The following PDE1C variants were observed in gnomAD, a reference collection of about 807,000 sequenced individuals.
PDE1C encodes dual specificity calcium/calmodulin-dependent 3',5'-cyclic nucleotide phosphodiesterase 1C.
A neutral mutation model predicts 93.1 loss-of-function variants in PDE1C; 62 were observed. The observed-to-expected ratio is 0.67, with a 90% CI of 0.54 to 0.82. The LOEUF is 0.82. PDE1C is among the 40% of genes least tolerant of loss of function. PDE1C has a pLI of 0.00. For missense variants in PDE1C, 742 were observed against 884.6 expected (o/e 0.84, Z 2.04); for synonymous variants, 325 against 310.1 (o/e 1.05, Z -0.50).
intron 2 of PDE1C, among the ~76,000 whole-genome samples, chr7:31,990,256 T>C (rs1783993994): frequency 6.6e-6 from 1 of 152,196 alleles, no homozygotes; most frequent in Non-Finnish European, 1.5e-5. Context: ...GTCTTTCCCA[T>C]GCTGTTCTTG....
At chr7:32,194,302 A>G (rs908165454) in intron 2 of PDE1C, among the ~76,000 whole-genome samples, 1 of 152,104 alleles carries the variant, frequency 6.6e-6, no homozygotes, top group Non-Finnish European at 1.5e-5. Context: ...TATCCTTTTG[A>G]TATCTGCATG....
intron 1 of PDE1C, among the ~76,000 whole-genome samples, chr7:32,285,651 A>G (rs934243502): frequency 6.6e-6 from 1 of 151,662 alleles, no homozygotes; most frequent in African/African-American, 2.4e-5. Context: ...AAGAAAGGGA[A>G]AAGAAAGGGA....
At chr7:32,339,485 T>C (rs1167419931) in intron 1 of PDE1C, among the ~76,000 whole-genome samples, 2 of 152,150 alleles carry the variant, frequency 1.3e-5, no homozygotes, top group Non-Finnish European at 2.9e-5. Context: ...TTTAAAAAGG[T>C]TAGATGATAC....
chr7:32,135,933 G>A (rs1341031420), intron 3 of PDE1C, among the ~76,000 whole-genome samples: 1 of 152,154 alleles, frequency 6.6e-6, no homozygotes, highest in African/African-American at 2.4e-5. Flanking sequence ...CAATTAAGAA[G>A]AAAATTCTGC....
the PDE1C span, chr7:31,651,072 C>A: frequency 6.6e-7 from 1 of 1,526,118 alleles, no homozygotes; most frequent in South Asian, 1.3e-5. Flanking sequence ...GGAAGACAGG[C>A]TCCACCATGG....
chr7:32,424,666 G>T (rs1383859915), intron 1 of PDE1C, among the ~76,000 whole-genome samples: 1 of 152,032 alleles, frequency 6.6e-6, no homozygotes, highest in African/African-American at 2.4e-5. Context: ...ATATAAATTA[G>T]CTGGGTGTGT....
At chr7:32,116,905 T>G (rs1799013929) in intron 3 of PDE1C, among the ~76,000 whole-genome samples, 1 of 152,204 alleles carries the variant, frequency 6.6e-6, no homozygotes, top group Non-Finnish European at 1.5e-5. Flanking sequence ...TACAGCACCC[T>G]ATAGACCATT....
chr7:32,178,540 A>G (rs1456520951), intron 2 of PDE1C, among the ~76,000 whole-genome samples: 1 of 152,228 alleles, frequency 6.6e-6, no homozygotes. Context: ...AATAATATCA[A>G]AAACCCCATG....
intron 1 of PDE1C, among the ~76,000 whole-genome samples, chr7:32,346,656 G>A (rs570745502): frequency 1.3e-5 from 2 of 152,328 alleles, no homozygotes; most frequent in Admixed American, 1.3e-4. Flanking sequence ...TAATGACAAT[G>A]TTTTCCTGCT....
the PDE1C span, chr7:31,642,082 T>G: frequency 1.4e-6 from 1 of 734,050 alleles, no homozygotes; most frequent in Admixed American, 3.0e-5. Context: ...TTCTGCAGGA[T>G]CCATGGTGTG....
At chr7:31,871,696 A>AG (rs1470149002) in intron 6 of PDE1C, among the ~76,000 whole-genome samples, 7 of 151,692 alleles carry the variant, frequency 4.6e-5, no homozygotes, top group Non-Finnish European at 8.8e-5. Context: ...TATGGTTAAA[A>AG]AAAAAAAAAA....
intron 17 of PDE1C, among the ~76,000 whole-genome samples, chr7:31,759,032 A>C (rs2128604521): frequency 6.6e-6 from 1 of 151,886 alleles, no homozygotes; most frequent in Non-Finnish European, 1.5e-5. Context: ...TTGCCACTGG[A>C]GTCACTGCAA....
At chr7:32,100,601 C>T (rs1326290128) in intron 3 of PDE1C, among the ~76,000 whole-genome samples, 3 of 152,204 alleles carry the variant, frequency 2.0e-5, no homozygotes, top group African/African-American at 4.8e-5. Flanking sequence ...TTAACTTAGA[C>T]TGACTCATTC....
intron 3 of PDE1C, among the ~76,000 whole-genome samples, chr7:32,130,530 T>C (rs559303515): frequency 2.6e-5 from 4 of 152,240 alleles, no homozygotes; most frequent in South Asian, 4.1e-4. Flanking sequence ...ATTATTTGTA[T>C]GTGTAATTTC....
chr7:32,200,979 T>C (rs1459381208), intron 2 of PDE1C, among the ~76,000 whole-genome samples: 1 of 152,222 alleles, frequency 6.6e-6, no homozygotes. Context: ...CCAAAGGTCT[T>C]ATCTCCTCTC....
rs372847001 is a variant in PDE1C, at chr7:32,178,618, G to A, written c.137-8662C>T. Among the ~76,000 whole-genome samples, 80 of 152,212 alleles carry A rather than the reference G, an allele frequency of 5.3e-4. 2 individuals are homozygous for A. Among genetic ancestry groups the A allele is most frequent in the African/African-American group, 1.7e-3 (71 of 41,538 alleles). ...AATGCAGCTCAGGTGCAGGAGGTGA[G>A]CATCTCCCTTCAACCCACTCCATCT... is the stretch of plus-strand genomic sequence containing the variant. On this transcript the variant is annotated intron_variant, in intron 2 of 18. Coordinates refer to the PDE1C transcript ENST00000396193.
the PDE1C span, among the ~76,000 whole-genome samples, chr7:31,688,704 G>A: frequency 6.6e-6 from 1 of 152,202 alleles, no homozygotes; most frequent in Non-Finnish European, 1.5e-5. Context: ...TGTCCCTTGT[G>A]AAAAGGAAGG....
intron 7 of PDE1C, among the ~76,000 whole-genome samples, chr7:31,856,660 T>C (rs953989684): frequency 2.7e-5 from 4 of 149,540 alleles, no homozygotes; most frequent in Non-Finnish European, 5.9e-5. Flanking sequence ...ATGAGGATAC[T>C]GAGGTGTAAG....
At chr7:31,718,474 C>T in the PDE1C span, among the ~76,000 whole-genome samples, 71 of 152,222 alleles carry the variant, frequency 4.7e-4, no homozygotes, top group African/African-American at 1.7e-3. Flanking sequence ...CCCAGTTAAG[C>T]GAAAAACTAG....
Sources: allele counts gnomAD v4.1 joint callset (sites outside exome capture counted in the v4.1 genomes callset), GRCh38; gene constraint gnomAD v4.1.1; transcripts MANE v1.5; gene names NCBI Gene and HGNC (gene_info 2026-07-23, HGNC 2026-07-21).